Variants in KALRN observed in about 807,000 individuals in gnomAD.
KALRN encodes the protein kalirin RhoGEF kinase.
Under a neutral mutation model 353.7 loss-of-function variants are expected in KALRN, and 70 were observed. The observed-to-expected ratio is 0.20, with a 90% CI of 0.16 to 0.24. The LOEUF (loss-of-function observed/expected upper bound fraction) is 0.24. Among genes scored for constraint, KALRN ranks in the 10% least tolerant of loss-of-function variants. The probability of loss-of-function intolerance (pLI) is 1.00; values close to 1 mark genes in which losing one functional copy is unlikely to be tolerated. For missense variants in KALRN, 2,791 were observed against 3,756.7 expected, an observed-to-expected ratio of 0.74 and a Z score of 6.72; for synonymous variants, 1,391 against 1,434.8, an observed-to-expected ratio of 0.97 and a Z score of 0.69.
chr3:124,488,200 C>A lies in KALRN; in HGVS notation c.4285-4C>A, dbSNP rs200340931. 109 of 1,602,960 alleles carry A rather than the reference C, an allele frequency of 6.8e-5. No homozygotes were observed. Among genetic ancestry groups the A allele is most frequent in the Non-Finnish European group, 9.0e-5 (106 of 1,172,726 alleles). ...TAATTATGTCCGGACTTTTTTTTCC[C>A]CAGGAACTTTTAACTTGCTGTGAAG... On this transcript the variant is annotated splice_polypyrimidine_tract_variant and splice_region_variant and intron_variant, in intron 28 of 59. Coordinates refer to ENST00000682506, the MANE Select transcript of KALRN (RefSeq NM_001388419.1).
At chr3:124,153,818 T>A (rs1054637456) in intron 1 of KALRN, among the ~76,000 whole-genome samples, 5 of 152,110 alleles carry the variant, frequency 3.3e-5, no homozygotes, top group Admixed American at 3.3e-4. Context: ...TTCTAACTGG[T>A]GTGAGATGTT....
chr3:124,555,624 A>G (rs1324624647), intron 33 of KALRN, among the ~76,000 whole-genome samples: 1 of 152,102 alleles, frequency 6.6e-6, no homozygotes, highest in Non-Finnish European at 1.5e-5. Context: ...CTGAGAAAAA[A>G]AAATTAACAG....
In KALRN at chr3:124,541,644, T is replaced by A. The variant is rs142492574; in HGVS notation, c.4936-21199T>A. The stretch of plus-strand genomic sequence containing the variant: ...GCTTACGCCAGTAATCCCAGCACTT[T>A]GGGATTTCACTTCTGATCACTTGAG... On this transcript the variant is annotated intron_variant, in intron 33 of 59. Coordinates refer to ENST00000682506, the MANE Select transcript of KALRN (RefSeq NM_001388419.1). 3.0e-3 allele frequency among the ~76,000 whole-genome samples: 458 copies of A among 151,328 alleles called. 6 individuals carry two copies. Among genetic ancestry groups the A allele is most frequent in the Admixed American group, 0.024 (366 of 15,158 alleles).
At chr3:124,340,613 C>T (rs1371834198) in intron 9 of KALRN, among the ~76,000 whole-genome samples, 4 of 152,082 alleles carry the variant, frequency 2.6e-5, no homozygotes, top group Non-Finnish European at 5.9e-5. Context: ...AGCTCAGATG[C>T]GTTCATGGCC....
intron 1 of KALRN, among the ~76,000 whole-genome samples, chr3:124,224,464 T>A (rs1391516785): frequency 6.6e-6 from 1 of 152,170 alleles, no homozygotes; most frequent in Non-Finnish European, 1.5e-5. Flanking sequence ...TGTCCTGGGC[T>A]GCATGAGGCC....
intron 33 of KALRN, among the ~76,000 whole-genome samples, chr3:124,512,255 T>A (rs2065990817): frequency 6.6e-6 from 1 of 152,242 alleles, no homozygotes; most frequent in African/African-American, 2.4e-5. Flanking sequence ...AGCTCATGAC[T>A]GTCGCTGGCG....
chr3:124,710,683 G>C (rs2062847004), intron 57 of KALRN, among the ~76,000 whole-genome samples: 1 of 152,132 alleles, frequency 6.6e-6, no homozygotes, highest in Non-Finnish European at 1.5e-5. Context: ...CAGCTACTTG[G>C]GAGGCTGAGG....
At chr3:124,118,815 G>T (rs1407074437) in intron 1 of KALRN, among the ~76,000 whole-genome samples, 1 of 152,214 alleles carries the variant, frequency 6.6e-6, no homozygotes, top group African/African-American at 2.4e-5. Context: ...GCAGGTAGTT[G>T]TCATTCTTTA....
At position 124,265,298 on chromosome 3, in the gene KALRN, C is replaced by CTTTTTTTTTTTTTTTTTTTT. The variant is rs3054177; in HGVS notation, c.456+622_456+623insTTTTTTTTTTTTTTTTTTTT. Among the ~76,000 whole-genome samples the CTTTTTTTTTTTTTTTTTTTT allele has an allele frequency of 3.0e-4, 22 of 73,110 alleles. 6 individuals carry two copies. Among genetic ancestry groups the CTTTTTTTTTTTTTTTTTTTT allele is most frequent in the Non-Finnish European group, 4.1e-4 (15 of 36,816 alleles). The allele number at this position is 73,110 out of a possible 152,430, so 48.0% of individuals were successfully genotyped here. Reference sequence around the variant, plus strand: ...CTAGTAACTAATTTAAGAAAATATTCTTTTTTTTTTTTTTGAGATAGAGTC... The same window carrying CTTTTTTTTTTTTTTTTTTTT: ...CTAGTAACTAATTTAAGAAAATATTCTTTTTTTTTTTTTTTTTTTTTTTTTTTTTTTTTTGAGATAGAGTC... On this transcript the variant is annotated intron_variant, in intron 4 of 59. Coordinates refer to ENST00000682506, the MANE Select transcript of KALRN (RefSeq NM_001388419.1).
chr3:124,285,902 C>G (rs1362897334), intron 5 of KALRN, among the ~76,000 whole-genome samples: 1 of 152,092 alleles, frequency 6.6e-6, no homozygotes, highest in African/African-American at 2.4e-5. Context: ...CAAAAGGCAC[C>G]TAGTGGCAAA....
rs1440814680 is a variant in KALRN, at chr3:124,713,096, C to T, written c.8237C>T (p.Thr2746Ile). The change falls in exon 58 of 60, where the codon ACC becomes ATC. Residue 2746 changes from threonine to isoleucine, a missense_variant. By Grantham distance (89) the Thr-to-Ile change is moderately conservative. Around this residue, in one of 11 missense-constraint regions of KALRN, gnomAD observed 188 missense variants for 402.9 expected, o/e 0.47. Coordinates refer to ENST00000682506, the MANE Select transcript of KALRN (RefSeq NM_001388419.1). ...CCCCAGTACATCACTCTCCATGACACCTATGAGTCCCCCACATCCTACATC... is the reference window on the plus strand; with the variant it reads ...CCCCAGTACATCACTCTCCATGACATCTATGAGTCCCCCACATCCTACATC... ...QHPQYITLHD[T>I]YESPTSYILI... The T allele has an allele frequency of 1.2e-6, 2 of 1,613,864 alleles. No individual in the cohort carries two copies. Among genetic ancestry groups the T allele is most frequent in the African/African-American group, 2.7e-5 (2 of 74,906 alleles).
intron 1 of KALRN, among the ~76,000 whole-genome samples, chr3:124,188,607 A>T (rs1269671946): frequency 2.6e-5 from 4 of 152,162 alleles, no homozygotes; most frequent in Non-Finnish European, 5.9e-5. Flanking sequence ...AGTACTTTGG[A>T]TAGGGAGAAT....
chr3:124,474,240 G>A (rs2061221577), intron 25 of KALRN, among the ~76,000 whole-genome samples: 2 of 152,166 alleles, frequency 1.3e-5, no homozygotes, highest in Admixed American at 1.3e-4. Flanking sequence ...AAAGAGGCCA[G>A]TGTAGGCTGA....
At chr3:124,675,626 G>C (rs964733015) in intron 49 of KALRN, among the ~76,000 whole-genome samples, 2 of 149,994 alleles carry the variant, frequency 1.3e-5, no homozygotes, top group Non-Finnish European at 2.9e-5. Context: ...GTTCTGACCC[G>C]GGCCTTCCCT....
At chr3:124,196,329 G>T (rs1275482034) in intron 1 of KALRN, among the ~76,000 whole-genome samples, 1 of 152,128 alleles carries the variant, frequency 6.6e-6, no homozygotes, top group Non-Finnish European at 1.5e-5. Context: ...TCTTACTGCT[G>T]TTATTACAGA....
intron 13 of KALRN, among the ~76,000 whole-genome samples, chr3:124,404,795 C>G (rs2091323990): frequency 1.3e-5 from 2 of 151,632 alleles, no homozygotes. Context: ...AGGTTCTTAT[C>G]TGGGGGACAC....
intron 23 of KALRN, among the ~76,000 whole-genome samples, chr3:124,458,471 T>C (rs770821952): frequency 6.6e-6 from 1 of 152,172 alleles, no homozygotes; most frequent in Non-Finnish European, 1.5e-5. Context: ...CATCCTTTTA[T>C]GAACTCCTTT....
intron 1 of KALRN, among the ~76,000 whole-genome samples, chr3:124,112,077 C>A (rs1026122521): frequency 6.6e-6 from 1 of 151,954 alleles, no homozygotes; most frequent in Non-Finnish European, 1.5e-5. Flanking sequence ...CTGAGGCGGG[C>A]AGATCATTTG....
chr3:124,564,355 C>T (rs1475023888), intron 34 of KALRN, among the ~76,000 whole-genome samples: 2 of 151,920 alleles, frequency 1.3e-5, no homozygotes, highest in African/African-American at 2.4e-5. Flanking sequence ...TGCGCTCCAA[C>T]CTGGCTGACA....
Sources: gnomAD v4.1 joint callset for allele counts (sites outside exome capture counted in the v4.1 genomes callset) on GRCh38, gnomAD v4.1.1 for gene constraint, gnomAD v4.1.1 regional missense constraint, MANE v1.5 for transcripts, NCBI Gene and HGNC (gene_info 2026-07-23, HGNC 2026-07-21) for gene names.